ZC3H12B: variants seen among roughly 807,000 people sequenced by gnomAD.
The protein encoded by ZC3H12B is zinc finger CCCH-type containing 12B.
A neutral mutation model predicts 43.9 loss-of-function variants in ZC3H12B; 7 were observed. The ratio of observed to expected loss-of-function variants is 0.16; its 90% confidence interval spans 0.09 to 0.30. ZC3H12B has a LOEUF of 0.30. Among genes scored for constraint, ZC3H12B ranks in the 10% least tolerant of loss-of-function variants. The pLI is 1.00. For missense variants in ZC3H12B, 475 were observed against 670.2 expected, an observed-to-expected ratio of 0.71 and a Z score of 3.22; for synonymous variants, 222 against 241.7, an observed-to-expected ratio of 0.92 and a Z score of 0.76.
At chrX:65,491,881 CAAG>C (rs1313103418) in intron 1 of ZC3H12B, among the ~76,000 whole-genome samples, 1 of 109,429 alleles carries the variant, frequency 9.1e-6, no homozygotes, top group Non-Finnish European at 1.9e-5. Context: ...AGATTAGTAA[CAAG>C]AAAGTTAAAT....
chrX:65,287,267 G>A, the ZC3H12B span, among the ~76,000 whole-genome samples: 1 of 111,543 alleles, frequency 9.0e-6, no homozygotes, highest in Admixed American at 9.5e-5. Flanking sequence ...ACATTCTTTA[G>A]GGTAGATAAT....
At chrX:65,490,933 G>A (rs2068194481) in intron 1 of ZC3H12B, among the ~76,000 whole-genome samples, 1 of 110,911 alleles carries the variant, frequency 9.0e-6, no homozygotes, top group Admixed American at 9.6e-5. Flanking sequence ...ATGAGAGAGT[G>A]GGGATGGGAG....
At chrX:65,434,259 T>G (rs773514521) in intron 3 of ZC3H12B, among the ~76,000 whole-genome samples, 18 of 111,995 alleles carry the variant, frequency 1.6e-4, no homozygotes, top group Non-Finnish European at 2.6e-4. Context: ...CACAAATATA[T>G]TTCTCATAGT....
the ZC3H12B span, among the ~76,000 whole-genome samples, chrX:65,195,021 C>A: frequency 9.5e-6 from 1 of 105,646 alleles, no homozygotes; most frequent in Non-Finnish European, 2.0e-5. Context: ...TATGGAATAT[C>A]TTTTTCCTTT....
chrX:65,335,351 T>C, the ZC3H12B span, among the ~76,000 whole-genome samples: 15 of 111,907 alleles, frequency 1.3e-4, no homozygotes, highest in East Asian at 4.2e-3. Flanking sequence ...AAGAAGGTCC[T>C]TTTAAATCTA....
intron 1 of ZC3H12B, among the ~76,000 whole-genome samples, chrX:65,493,870 T>C (rs58042288): frequency 8.9e-6 from 1 of 111,824 alleles, no homozygotes; most frequent in African/African-American, 3.2e-5. Context: ...CTCTTTTTTT[T>C]CAAAAAAAAT....
chrX:65,200,008 C>T, the ZC3H12B span, among the ~76,000 whole-genome samples: 1 of 110,966 alleles, frequency 9.0e-6, no homozygotes, highest in Non-Finnish European at 1.9e-5. Flanking sequence ...ATATTTCTGC[C>T]TCTAGGTCTT....
chrX:65,220,955 A>T, the ZC3H12B span, among the ~76,000 whole-genome samples: 6 of 111,849 alleles, frequency 5.4e-5, no homozygotes, highest in African/African-American at 1.9e-4. Flanking sequence ...TAGGCCACAA[A>T]ACAAGTTTCA....
the ZC3H12B span, among the ~76,000 whole-genome samples, chrX:65,207,339 C>T: frequency 8.2e-5 from 9 of 109,215 alleles, no homozygotes; most frequent in Middle Eastern, 4.3e-3. Flanking sequence ...TGAAGCCACC[C>T]GGATGGAATT....
intron 2 of ZC3H12B, among the ~76,000 whole-genome samples, chrX:65,381,180 C>T (rs1363164623): frequency 1.8e-5 from 2 of 110,987 alleles, no homozygotes; most frequent in Non-Finnish European, 3.8e-5. Context: ...ACACCTAATC[C>T]AAAATTGACC....
At chrX:65,250,944 A>G in the ZC3H12B span, among the ~76,000 whole-genome samples, 1 of 111,664 alleles carries the variant, frequency 9.0e-6, no homozygotes, top group Non-Finnish European at 1.9e-5. Flanking sequence ...TAGTTTAATT[A>G]GATCCCATTT....
chrX:65,416,466 C>T (rs1364515742), intron 3 of ZC3H12B, among the ~76,000 whole-genome samples: 1 of 110,937 alleles, frequency 9.0e-6, no homozygotes, highest in Non-Finnish European at 1.9e-5. Flanking sequence ...GTAGCATCAA[C>T]ATCACCAAGA....
the ZC3H12B span, among the ~76,000 whole-genome samples, chrX:65,105,603 A>G: frequency 2.7e-5 from 3 of 110,716 alleles, no homozygotes; most frequent in South Asian, 1.2e-3. Context: ...ATTAGCTGAG[A>G]TGCTACACTG....
the ZC3H12B span, among the ~76,000 whole-genome samples, chrX:65,347,368 C>G: frequency 1.8e-5 from 2 of 111,004 alleles, no homozygotes; most frequent in East Asian, 5.6e-4. Flanking sequence ...TTCCAAAAAC[C>G]AGAACACCTC....
At chrX:65,253,158 G>C in the ZC3H12B span, among the ~76,000 whole-genome samples, 1 of 111,901 alleles carries the variant, frequency 8.9e-6, no homozygotes, top group Admixed American at 9.4e-5. Context: ...CATCGGGAAG[G>C]CTCGTGAACT....
the ZC3H12B span, among the ~76,000 whole-genome samples, chrX:65,041,810 T>C: frequency 8.9e-6 from 1 of 112,102 alleles, no homozygotes; most frequent in African/African-American, 3.2e-5. Context: ...GCATGCATAT[T>C]GGTACTGATT....
chrX:65,491,785 A>G (rs1008323635), intron 1 of ZC3H12B, among the ~76,000 whole-genome samples: 14 of 107,619 alleles, frequency 1.3e-4, no homozygotes, highest in Admixed American at 1.1e-3. Context: ...TCCTTTTTCA[A>G]TTTTTTAAAA....
At chrX:65,383,692 AC>A (rs2066477764) in intron 2 of ZC3H12B, among the ~76,000 whole-genome samples, 1 of 110,898 alleles carries the variant, frequency 9.0e-6, no homozygotes, top group African/African-American at 3.3e-5. Flanking sequence ...GAAAATTTTC[AC>A]AACCTACTCA....
the ZC3H12B span, among the ~76,000 whole-genome samples, chrX:65,118,353 G>C: frequency 9.0e-6 from 1 of 111,247 alleles, no homozygotes; most frequent in Admixed American, 9.6e-5. Context: ...TCATGATTTG[G>C]CTCTCTGTTT....
Sources: gnomAD v4.1 joint callset for allele counts (sites outside exome capture counted in the v4.1 genomes callset) on GRCh38, gnomAD v4.1.1 for gene constraint, MANE v1.5 for transcripts, NCBI Gene and HGNC (gene_info 2026-07-23, HGNC 2026-07-21) for gene names.